CRB1: variants seen among roughly 807,000 people sequenced by gnomAD.
CRB1 encodes crumbs cell polarity complex component 1.
CRB1 carries 83 observed loss-of-function variants against 120.0 expected under a neutral mutation model. The ratio of observed to expected loss-of-function variants is 0.69; its 90% CI spans 0.58 to 0.83. The LOEUF (loss-of-function observed/expected upper bound fraction) is 0.83, where lower values mean the gene tolerates loss of function less well. Among genes scored for constraint, CRB1 ranks in the 40% least tolerant of loss-of-function variants. The pLI is 0.00. For missense variants in CRB1, 1,699 were observed against 1,687.6 expected, an observed-to-expected ratio of 1.01 and a Z score of -0.12; for synonymous variants, 625 against 612.5, an observed-to-expected ratio of 1.02 and a Z score of -0.30.
intron 11 of CRB1, among the ~76,000 whole-genome samples, chr1:197,469,287 C>T (rs139246828): frequency 2.6e-5 from 4 of 152,268 alleles, no homozygotes; most frequent in African/African-American, 9.6e-5. Context: ...TGATATAGTT[C>T]GTTCCCACGA....
chr1:197,435,302 C>G lies in CRB1; in HGVS notation c.3439C>G (p.Pro1147Ala). 3 of 1,613,794 alleles carry G rather than the reference C, an allele frequency of 1.9e-6. No homozygotes were observed. Among genetic ancestry groups the G allele is most frequent in the Non-Finnish European group, 2.5e-6 (3 of 1,179,822 alleles). ...CLQLNVCNSN[P>A]CLHGGNCEDI... ...GCAGTTAAATGTCTGCAACTCCAACCCCTGTTTGCATGGAGGAAACTGTGA... is the reference window on the plus strand; with the variant it reads ...GCAGTTAAATGTCTGCAACTCCAACGCCTGTTTGCATGGAGGAAACTGTGA... The change falls in exon 9 of 12, where the codon CCC becomes GCC. Residue 1147 changes from proline to alanine, a missense_variant. Transcript: ENST00000367400.
intron 5 of CRB1, among the ~76,000 whole-genome samples, chr1:197,380,580 T>G (rs1661901224): frequency 6.6e-6 from 1 of 152,092 alleles, no homozygotes; most frequent in African/African-American, 2.4e-5. Context: ...AATAAGATAA[T>G]CCAATTTCTC....
At chr1:197,203,651 C>T in the CRB1 span, among the ~76,000 whole-genome samples, 1 of 151,874 alleles carries the variant, frequency 6.6e-6, no homozygotes, top group African/African-American at 2.4e-5. Flanking sequence ...AGAGGCCTTA[C>T]CTAGGAGAAA....
intron 1 of CRB1, among the ~76,000 whole-genome samples, chr1:197,279,921 T>C (rs1031477509): frequency 5.3e-5 from 8 of 151,844 alleles, no homozygotes; most frequent in Admixed American, 2.6e-4. Flanking sequence ...CCAATTTCTC[T>C]ATGTCAGACA....
chr1:197,456,539 C>T (rs1350005629), intron 11 of CRB1, among the ~76,000 whole-genome samples: 1 of 152,106 alleles, frequency 6.6e-6, no homozygotes, highest in Non-Finnish European at 1.5e-5. Flanking sequence ...CCATTAGTCA[C>T]CACTTTGTTG....
At chr1:197,347,763 A>T (rs1020487019) in intron 4 of CRB1, among the ~76,000 whole-genome samples, 1 of 152,230 alleles carries the variant, frequency 6.6e-6, no homozygotes, top group Non-Finnish European at 1.5e-5. Context: ...ATGGAGAAAA[A>T]TTCACTGGAA....
the CRB1 span, among the ~76,000 whole-genome samples, chr1:197,259,872 G>A: frequency 3.7e-4 from 56 of 151,992 alleles, no homozygotes; most frequent in African/African-American, 1.3e-3. Context: ...GTTTCAGGCC[G>A]GGCATGGTGG....
the CRB1 span, among the ~76,000 whole-genome samples, chr1:197,205,849 T>G: frequency 6.6e-6 from 1 of 152,172 alleles, no homozygotes; most frequent in African/African-American, 2.4e-5. Flanking sequence ...CAATGTCTGA[T>G]AGAATTCAGC....
rs1157629077 is a variant in CRB1 at position 197,374,989 on chromosome 1, T to C, written c.1171+17976T>C. Among the ~76,000 whole-genome samples, 3 of 152,126 alleles carry C rather than the reference T, an allele frequency of 2.0e-5. No individual in the cohort carries two copies. In the East Asian group the frequency reaches 5.8e-4, roughly 29 times the overall value. ...TTGATGGGCAGGACCTTGGGGGTCTTTTGCTTCCCTCTTTCACCTACCATT... is the reference window on the plus strand; with the variant it reads ...TTGATGGGCAGGACCTTGGGGGTCTCTTGCTTCCCTCTTTCACCTACCATT... On this transcript the variant is annotated intron_variant, in intron 5 of 11. Coordinates refer to ENST00000367400, the MANE Select transcript of CRB1 (RefSeq NM_201253.3).
chr1:197,205,798 T>C, the CRB1 span, among the ~76,000 whole-genome samples: 2 of 152,122 alleles, frequency 1.3e-5, no homozygotes, highest in African/African-American at 4.8e-5. Context: ...TTTCTCTGTC[T>C]TGTGGAATAA....
At chr1:197,315,193 CT>C (rs902293434) in intron 1 of CRB1, among the ~76,000 whole-genome samples, 5 of 151,266 alleles carry the variant, frequency 3.3e-5, no homozygotes, top group African/African-American at 1.2e-4. Flanking sequence ...TATTTCCTAC[CT>C]TTTTTTTTAG....
chr1:197,393,578 C>T (rs968614742), intron 5 of CRB1, among the ~76,000 whole-genome samples: 5 of 151,964 alleles, frequency 3.3e-5, no homozygotes, highest in Non-Finnish European at 7.4e-5. Flanking sequence ...GAAATATTCT[C>T]ACTATTATTT....
chr1:197,230,941 G>T, the CRB1 span, among the ~76,000 whole-genome samples: 1 of 152,108 alleles, frequency 6.6e-6, no homozygotes. Flanking sequence ...AAAGATGATA[G>T]TATCTCTCAT....
intron 2 of CRB1, among the ~76,000 whole-genome samples, chr1:197,337,856 G>A (rs1659244350): frequency 6.6e-6 from 1 of 151,814 alleles, no homozygotes; most frequent in African/African-American, 2.4e-5. Context: ...TTCTAAAATG[G>A]CCATATCATA....
At chr1:197,428,083 CT>C (rs1664692780) in intron 7 of CRB1, 82 bp downstream of exon 7, 1 of 1,266,778 alleles carries the variant, frequency 7.9e-7, no homozygotes, top group East Asian at 2.5e-5. Context: ...TAAAACCATT[CT>C]TTGTATATAA....
chr1:197,301,719 T>C (rs1270500412), intron 1 of CRB1, among the ~76,000 whole-genome samples: 1 of 152,046 alleles, frequency 6.6e-6, no homozygotes, highest in African/African-American at 2.4e-5. Context: ...AGAAATTGAT[T>C]CCAACCCTTA....
chr1:197,240,760 T>G, the CRB1 span, among the ~76,000 whole-genome samples: 2 of 152,202 alleles, frequency 1.3e-5, no homozygotes, highest in Non-Finnish European at 2.9e-5. Flanking sequence ...AAATGGTATT[T>G]CTGGTTCTTG....
intron 2 of CRB1, among the ~76,000 whole-genome samples, chr1:197,342,653 A>C (rs1327287985): frequency 6.6e-6 from 1 of 152,116 alleles, no homozygotes; most frequent in African/African-American, 2.4e-5. Flanking sequence ...ATATTTATTG[A>C]TAAGTGAATT....
chr1:197,226,378 G>A, the CRB1 span, among the ~76,000 whole-genome samples: 1 of 152,178 alleles, frequency 6.6e-6, no homozygotes. Flanking sequence ...ACAAGTAGTA[G>A]TAACTTGTGT....
Sources: gnomAD v4.1 joint callset for allele counts (sites outside exome capture counted in the v4.1 genomes callset) on GRCh38, gnomAD v4.1.1 for gene constraint, MANE v1.5 for transcripts, NCBI Gene and HGNC (gene_info 2026-07-23, HGNC 2026-07-21) for gene names.